Variants in TAOK3 observed in about 807,000 individuals in gnomAD.
The protein encoded by TAOK3 is TAO kinase 3, also known as serine/threonine-protein kinase TAO3.
A neutral mutation model predicts 120.4 loss-of-function variants in TAOK3; 40 were observed. The ratio of observed to expected loss-of-function variants is 0.33; its 90% CI spans 0.26 to 0.43. TAOK3 has a LOEUF of 0.43. TAOK3 is among the 20% of genes least tolerant of loss of function. TAOK3 has a pLI of 1.00. For synonymous variants in TAOK3, 355 were observed against 387.5 expected (o/e 0.92, Z 0.99); for missense variants, 821 against 1,112.1 (o/e 0.74, Z 3.72).
intron 3 of TAOK3, among the ~76,000 whole-genome samples, chr12:118,249,435 G>A (rs1053453905): frequency 2.0e-5 from 3 of 151,752 alleles, no homozygotes; most frequent in East Asian, 3.9e-4. Context: ...GGTGGCACAC[G>A]TCTGTAATCC....
In TAOK3 at chr12:118,217,811, GTATACATATATATATATATATATATATA is replaced by G. The variant is rs1332946211; in HGVS notation, c.644-3729_644-3702del. On this transcript the variant is annotated intron_variant, in intron 9 of 20. Coordinates refer to ENST00000392533, the MANE Select transcript of TAOK3 (RefSeq NM_016281.4). ...TGTATGTATGTATGTGTGTGTGTGT[GTATACATATATATATATATATATATATA>G]TATATATATATATATATATATACAC... Among the ~76,000 whole-genome samples, 51 of 75,402 alleles carry G rather than the reference GTATACATATATATATATATATATATATA, an allele frequency of 6.8e-4. 1 individual carries two copies. The highest frequency in any genetic ancestry group is 1.1e-3 in the African/African-American group (22 of 19,482). 49.5% of individuals were successfully genotyped at this position (75,402 alleles called of 152,430 possible).
intron 9 of TAOK3, among the ~76,000 whole-genome samples, chr12:118,227,371 A>C (rs1037916373): frequency 1.3e-5 from 2 of 149,300 alleles, no homozygotes; most frequent in African/African-American, 4.9e-5. Context: ...TTTTATAAGA[A>C]TAAACCAAAA....
intron 3 of TAOK3, chr12:118,246,445 G>C: frequency 7.5e-7 from 1 of 1,339,758 alleles, no homozygotes; most frequent in Admixed American, 1.9e-5. Context: ...GCCAGCCAGC[G>C]CACCAGGTTC....
intron 19 of TAOK3, among the ~76,000 whole-genome samples, chr12:118,155,194 C>A (rs968234763): frequency 3.3e-5 from 5 of 152,080 alleles, no homozygotes; most frequent in East Asian, 1.9e-4. Context: ...TGAGGTTTCA[C>A]CAGGTTGGCC....
intron 14 of TAOK3, among the ~76,000 whole-genome samples, chr12:118,188,956 G>A (rs956415341): frequency 6.6e-6 from 1 of 152,140 alleles, no homozygotes; most frequent in African/African-American, 2.4e-5. Context: ...GTGTGAGCGC[G>A]CACGCGCACG....
intron 9 of TAOK3, among the ~76,000 whole-genome samples, chr12:118,230,892 A>C (rs1487590665): frequency 6.6e-6 from 1 of 152,132 alleles, no homozygotes; most frequent in Non-Finnish European, 1.5e-5. Context: ...TTTCCTTTGG[A>C]GTGAAATAAA....
intron 1 of TAOK3, among the ~76,000 whole-genome samples, chr12:118,341,094 T>C (rs1029351772): frequency 6.6e-6 from 1 of 151,852 alleles, no homozygotes; most frequent in Non-Finnish European, 1.5e-5. Flanking sequence ...TGCCCCAGGT[T>C]CAAGGTATTC....
rs1200330669 is a variant in TAOK3 at position 118,182,620 on chromosome 12, TA to T, written c.1330-1014del. 5.1e-3 allele frequency among the ~76,000 whole-genome samples: 472 copies of T among 92,294 alleles called. 3 individuals are homozygous for T. Among genetic ancestry groups the T allele is most frequent in the East Asian group, 0.02 (73 of 3,586 alleles). The allele number at this position is 92,294 out of a possible 152,430, so 60.5% of individuals were successfully genotyped here. A position where few individuals can be genotyped will look rare whatever the true frequency, so the allele number is the denominator to read the frequency against. On this transcript the variant is annotated intron_variant, in intron 14 of 20. Transcript: ENST00000392533. ...GTGTGTATATATATATATATATATATATATTTTTTTTTTTTTTTAAGGATCA... is the reference window on the plus strand; with the variant it reads ...GTGTGTATATATATATATATATATATTATTTTTTTTTTTTTTTAAGGATCA...
At chr12:118,270,879 A>G (rs975510218) in intron 1 of TAOK3, among the ~76,000 whole-genome samples, 11 of 151,686 alleles carry the variant, frequency 7.3e-5, no homozygotes, top group Non-Finnish European at 1.5e-4. Context: ...GGGTTTCACC[A>G]TGTTAGCCAG....
intron 1 of TAOK3, among the ~76,000 whole-genome samples, chr12:118,306,145 C>G (rs1226594065): frequency 1.3e-5 from 2 of 151,796 alleles, no homozygotes; most frequent in Non-Finnish European, 2.9e-5. Flanking sequence ...TGTTTTTTAA[C>G]TTTTATTTTA....
rs2040136322 is a variant in TAOK3, at chr12:118,239,095, T to C, written c.340+132A>G. The C allele has an allele frequency of 6.0e-6, 4 of 665,110 alleles. No homozygotes were observed. In the South Asian group the frequency reaches 6.8e-5, roughly 11 times the overall value. The allele number at this position is 665,110 out of a possible 1,614,324, so 41.2% of individuals were successfully genotyped here. A position where few individuals can be genotyped will look rare whatever the true frequency, so the allele number is the denominator to read the frequency against. ...TGGCATTGAAGAGAGGAAGTGTGCA[T>C]GGCTTATCCACACCACCCTAAAGCT... On this transcript the variant is annotated intron_variant, in intron 6 of 20. Coordinates refer to ENST00000392533, the MANE Select transcript of TAOK3 (RefSeq NM_016281.4).
intron 16 of TAOK3, among the ~76,000 whole-genome samples, chr12:118,174,104 C>T (rs1043619903): frequency 1.3e-5 from 2 of 151,994 alleles, no homozygotes; most frequent in Admixed American, 6.6e-5. Flanking sequence ...CTGCAGACCC[C>T]GATTCAAATA....
In TAOK3 at chr12:118,199,126, C is replaced by G; in HGVS notation, c.1119G>C (p.Glu373Asp). ...GCATCATGACAAGTTCGGAACTGCTCTCGTCCATGACTTCCTGCATGCTGT... is the reference window on the plus strand; with the variant it reads ...GCATCATGACAAGTTCGGAACTGCTGTCGTCCATGACTTCCTGCATGCTGT... ...SVNSMQEVMD[E>D]SSSELVMMHD... Residue 373 changes from glutamate to aspartate, a missense_variant, in exon 13 of 21, where the codon GAG becomes GAC. Glu to Asp is a conservative substitution (Grantham distance 45). Coordinates refer to ENST00000392533, the MANE Select transcript of TAOK3 (RefSeq NM_016281.4). 4 of 1,614,166 alleles carry G rather than the reference C, an allele frequency of 2.5e-6. No individual in the cohort carries two copies. The highest frequency in any genetic ancestry group is 3.4e-6 in the Non-Finnish European group (4 of 1,180,032).
At chr12:118,172,714 A>G in intron 16 of TAOK3, 54 bp from the exon 17 acceptor site, 1 of 1,453,204 alleles carries the variant, frequency 6.9e-7, no homozygotes, top group East Asian at 2.3e-5. Flanking sequence ...AGGGACTGTA[A>G]CAGCTTATTG....
At chr12:118,350,820 A>G (rs1187456134) in intron 1 of TAOK3, among the ~76,000 whole-genome samples, 2 of 148,038 alleles carry the variant, frequency 1.4e-5, no homozygotes, top group Non-Finnish European at 3.0e-5. Flanking sequence ...AGGTCGTGCC[A>G]TTGTACTCCA....
chr12:118,238,086 C>T lies in TAOK3; in HGVS notation c.424G>A (p.Ala142Thr). The T allele has an allele frequency of 1.2e-6, 2 of 1,600,202 alleles. No individual in the cohort carries two copies. Among genetic ancestry groups the T allele is most frequent in the East Asian group, 4.5e-5 (2 of 44,682 alleles). Residue 142 changes from alanine (A) to threonine (T), a missense_variant, in exon 7 of 21, where the codon GCA becomes ACA. Physicochemically the swap from Ala to Thr is moderately conservative, Grantham distance 58 (BLOSUM62 0). Around this residue, in one of 2 missense-constraint regions of TAOK3, gnomAD observed 467 missense variants for 540.0 expected, o/e 0.86. Coordinates refer to ENST00000392533, the MANE Select transcript of TAOK3 (RefSeq NM_016281.4). ...LHGLAYLHSHALIHRDIKAGN... is the reference protein window; with the variant it reads ...LHGLAYLHSHTLIHRDIKAGN... ...CTCTAATCTTACCTATGAATCAATG[C>T]ATGAGAATGTAGGTAGGCTAGTCCA...
chr12:118,265,287 G>A (rs780364494), intron 2 of TAOK3, among the ~76,000 whole-genome samples: 15 of 151,518 alleles, frequency 9.9e-5, no homozygotes, highest in African/African-American at 1.7e-4. Context: ...TACTCAGGAC[G>A]CTGAGGCAGG....
intron 19 of TAOK3, among the ~76,000 whole-genome samples, chr12:118,157,710 C>T (rs1441578473): frequency 3.9e-5 from 6 of 152,234 alleles, no homozygotes; most frequent in Admixed American, 3.3e-4. Context: ...TCCATAAAGA[C>T]GTGATTCATG....
At chr12:118,166,847 T>TACACACACAC (rs200569755) in intron 17 of TAOK3, among the ~76,000 whole-genome samples, 9 of 135,314 alleles carry the variant, frequency 6.7e-5, no homozygotes, top group African/African-American at 2.0e-4. Flanking sequence ...CACACACACA[T>TACACACACAC]ACACACACAC....
Sources: allele counts gnomAD v4.1 joint callset (sites outside exome capture counted in the v4.1 genomes callset), GRCh38; gene constraint gnomAD v4.1.1; regional missense constraint gnomAD v4.1.1; transcripts MANE v1.5; gene names NCBI Gene and HGNC (gene_info 2026-07-23, HGNC 2026-07-21).